The following RBFOX1 variants were observed in gnomAD, a reference collection of about 807,000 sequenced individuals.
RBFOX1 encodes RNA binding fox-1 homolog 1.
A neutral mutation model predicts 57.7 loss-of-function variants in RBFOX1; 8 were observed. The ratio of observed to expected loss-of-function variants is 0.14; its 90% confidence interval spans 0.08 to 0.25. The LOEUF (loss-of-function observed/expected upper bound fraction) is 0.25, where lower values mean the gene tolerates loss of function less well. Ranked by LOEUF, RBFOX1 falls within the 10% of genes least tolerant of loss-of-function variation. The pLI, the probability that RBFOX1 is intolerant of heterozygous loss-of-function variation, is 1.00. For missense variants in RBFOX1, 611 were observed against 548.5 expected, an observed-to-expected ratio of 1.11 and a Z score of -1.14; for synonymous variants, 326 against 222.4, an observed-to-expected ratio of 1.47 and a Z score of -4.15.
intron 1 of RBFOX1, among the ~76,000 whole-genome samples, chr16:5,365,131 C>G (rs1213631982): frequency 1.3e-5 from 2 of 152,138 alleles, no homozygotes; most frequent in East Asian, 1.9e-4. Context: ...CCCAGGCCTG[C>G]TGGTGGACTC....
intron 5 of RBFOX1, among the ~76,000 whole-genome samples, chr16:7,539,905 A>G (rs1263396825): frequency 1.2e-4 from 18 of 152,218 alleles, no homozygotes; most frequent in Non-Finnish European, 1.5e-5. Flanking sequence ...TTTATGGAGA[A>G]GGCAGCCCCT....
rs555185341 is a variant in RBFOX1 at position 5,836,863 on chromosome 16, C to G, written c.319-30440C>G. Among the ~76,000 whole-genome samples, 6 of 152,316 alleles carry G rather than the reference C, an allele frequency of 3.9e-5. No individual in the cohort carries two copies. The South Asian group carries it at 1.2e-3, about 32-fold the overall frequency. ...TTGTCCACATCAGCCCAGGCCACCT[C>G]TTTCTTGCTAAGGATCTTAGCTCCT... On this transcript the variant is annotated intron_variant, in intron 3 of 19. Transcript: ENST00000641259.
chr16:5,910,849 G>T (rs2058585449), intron 4 of RBFOX1, among the ~76,000 whole-genome samples: 1 of 152,156 alleles, frequency 6.6e-6, no homozygotes, highest in African/African-American at 2.4e-5. Flanking sequence ...CCCCAGGAAA[G>T]CTCCCTGTTC....
chr16:6,090,500 C>G (rs1448997961), intron 1 of RBFOX1, among the ~76,000 whole-genome samples: 1 of 152,146 alleles, frequency 6.6e-6, no homozygotes, highest in Non-Finnish European at 1.5e-5. Flanking sequence ...GCTTTTGGCT[C>G]CAAAGTCAGC....
intron 3 of RBFOX1, among the ~76,000 whole-genome samples, chr16:6,776,529 G>T (rs542733721): frequency 6.6e-6 from 1 of 152,132 alleles, no homozygotes; most frequent in East Asian, 1.9e-4. Context: ...ACCTTGGCTA[G>T]AATTACAGAG....
chr16:7,700,149 C>G (rs1329170339), intron 14 of RBFOX1, among the ~76,000 whole-genome samples: 1 of 152,018 alleles, frequency 6.6e-6, no homozygotes, highest in Non-Finnish European at 1.5e-5. Context: ...ATCATCAATC[C>G]AATTCAGGGG....
At chr16:7,385,425 A>C (rs2097859086) in intron 4 of RBFOX1, among the ~76,000 whole-genome samples, 1 of 152,184 alleles carries the variant, frequency 6.6e-6, no homozygotes, top group Non-Finnish European at 1.5e-5. Context: ...AGGTGAAGGG[A>C]GTGAATTAAA....
chr16:6,975,585 A>G (rs761238161), intron 3 of RBFOX1, among the ~76,000 whole-genome samples: 1 of 152,158 alleles, frequency 6.6e-6, no homozygotes, highest in Admixed American at 6.5e-5. Context: ...CCATATGTTG[A>G]TAGCACCTGG....
chr16:5,605,020 C>T (rs1020388934), downstream of RBFOX1, among the ~76,000 whole-genome samples: 7 of 152,178 alleles, frequency 4.6e-5, no homozygotes, highest in African/African-American at 1.2e-4. Context: ...CTCTACAGCC[C>T]GCGCACACAC....
At chr16:7,279,639 G>C (rs1396898458) in intron 4 of RBFOX1, among the ~76,000 whole-genome samples, 3 of 152,194 alleles carry the variant, frequency 2.0e-5, no homozygotes, top group African/African-American at 4.8e-5. Flanking sequence ...GCCTGGCATG[G>C]AGGTGAGCTG....
intron 3 of RBFOX1, among the ~76,000 whole-genome samples, chr16:5,831,349 A>T (rs1289103572): frequency 1.3e-5 from 2 of 152,094 alleles, no homozygotes; most frequent in African/African-American, 4.8e-5. Flanking sequence ...TGCTCTGGCC[A>T]TGGGACCTGC....
intron 4 of RBFOX1, among the ~76,000 whole-genome samples, chr16:7,421,863 C>A (rs1313390059): frequency 1.3e-5 from 2 of 152,292 alleles, no homozygotes; most frequent in East Asian, 3.9e-4. Flanking sequence ...GTGTTCATTT[C>A]TTCAGCCTTT....
intron 4 of RBFOX1, among the ~76,000 whole-genome samples, chr16:5,968,084 T>G (rs1038545521): frequency 1.3e-5 from 2 of 152,204 alleles, no homozygotes; most frequent in African/African-American, 4.8e-5. Flanking sequence ...TACTTTATTT[T>G]ATTTCATTGA....
chr16:5,630,549 C>G (rs900365337), intron 3 of RBFOX1, among the ~76,000 whole-genome samples: 1 of 152,182 alleles, frequency 6.6e-6, no homozygotes, highest in Non-Finnish European at 1.5e-5. Context: ...CAATCTCTGC[C>G]TGCAGGCCAC....
At chr16:7,654,775 A>G (rs1474469450) in intron 12 of RBFOX1, among the ~76,000 whole-genome samples, 1 of 152,210 alleles carries the variant, frequency 6.6e-6, no homozygotes, top group Non-Finnish European at 1.5e-5. Context: ...CAGTGGCCCT[A>G]GACCAGGGGA....
At chr16:7,468,408 C>T (rs965843572) in intron 4 of RBFOX1, among the ~76,000 whole-genome samples, 5 of 151,346 alleles carry the variant, frequency 3.3e-5, no homozygotes, top group African/African-American at 4.9e-5. Flanking sequence ...TAAACTCACG[C>T]TGCTACTTGC....
At chr16:5,786,065 A>G (rs937571356) in intron 3 of RBFOX1, among the ~76,000 whole-genome samples, 1 of 152,106 alleles carries the variant, frequency 6.6e-6, no homozygotes, top group African/African-American at 2.4e-5. Flanking sequence ...AATTGGTCCT[A>G]CTGCCCTTTG....
chr16:7,479,155 G>T (rs889309648), intron 4 of RBFOX1, among the ~76,000 whole-genome samples: 5 of 150,920 alleles, frequency 3.3e-5, no homozygotes, highest in Non-Finnish European at 7.4e-5. Context: ...ACAGGGTCTC[G>T]GTCTGTTGCC....
At chr16:6,560,717 G>A (rs532779663) in intron 2 of RBFOX1, among the ~76,000 whole-genome samples, 17 of 152,164 alleles carry the variant, frequency 1.1e-4, no homozygotes, top group Non-Finnish European at 1.8e-4. Context: ...TTATGAGGGC[G>A]CTTAATGCAG....
Sources: gnomAD v4.1 joint callset for allele counts (sites outside exome capture counted in the v4.1 genomes callset) on GRCh38, gnomAD v4.1.1 for gene constraint, MANE v1.5 for transcripts, NCBI Gene and HGNC (gene_info 2026-07-23, HGNC 2026-07-21) for gene names.